The following HOXB6 variants were observed in gnomAD, a reference collection of about 807,000 sequenced individuals.
HOXB6 encodes homeobox protein Hox-B6.
HOXB6 carries 18 observed loss-of-function variants against 24.2 expected under a neutral mutation model. That is an observed-to-expected ratio of 0.74 (90% CI 0.51 to 1.10). HOXB6 has a LOEUF of 1.10. HOXB6 is among the 50% of genes least tolerant of loss of function. HOXB6 has a pLI of 0.00. For synonymous variants in HOXB6, 159 were observed against 139.1 expected (o/e 1.14, Z -1.01); for missense variants, 332 against 308.3 (o/e 1.08, Z -0.58).
intron 2 of HOXB6, chr17:48,600,330 T>A (rs1365414101): frequency 5.0e-6 from 2 of 396,118 alleles, no homozygotes; most frequent in Non-Finnish European, 1.0e-5. Flanking sequence ...GTTTTCTCAG[T>A]GAAGTCTGAA....
At position 48,601,604 on chromosome 17, in the gene HOXB6, C is replaced by T. The variant is rs573226039; in HGVS notation, c.-79+2876G>A. ...TCCTTGAGTCGGGCCTTATAGCCAC[C>T]AGAAAGTCACCTCGCCGCAGGAAAG... On this transcript the variant is annotated intron_variant, in intron 2 of 3. Coordinates refer to ENST00000225648, the MANE Select transcript of HOXB6 (RefSeq NM_018952.5). 104 of 155,400 alleles carry T rather than the reference C, an allele frequency of 6.7e-4. 2 individuals are homozygous for T. The South Asian group carries it at 0.02, about 30-fold the overall frequency. 9.6% of individuals were successfully genotyped at this position (155,400 alleles called of 1,614,324 possible).
intron 2 of HOXB6, among the ~76,000 whole-genome samples, chr17:48,599,499 G>A (rs2070405021): frequency 6.6e-6 from 1 of 152,078 alleles, no homozygotes; most frequent in African/African-American, 2.4e-5. Flanking sequence ...GTTCTCTTGG[G>A]GACTCAGCAG....
intron 2 of HOXB6, chr17:48,604,138 C>T (rs1310529036): frequency 2.0e-5 from 3 of 152,892 alleles, no homozygotes; most frequent in African/African-American, 7.2e-5. Flanking sequence ...GCCAGAACCA[C>T]TGGCTTCTTT....
At chr17:48,597,642 G>T in intron 3 of HOXB6, 94 bp downstream of exon 3, 2 of 1,349,108 alleles carry the variant, frequency 1.5e-6, no homozygotes, top group Non-Finnish European at 2.1e-6. Context: ...CCAGCACCCT[G>T]TGGGAGATTG....
At chr17:48,601,033 G>A (rs2070450559) in intron 2 of HOXB6, among the ~76,000 whole-genome samples, 1 of 151,646 alleles carries the variant, frequency 6.6e-6, no homozygotes, top group Non-Finnish European at 1.5e-5. Flanking sequence ...GTGGTGTGGT[G>A]TGTGTGGGAG....
At chr17:48,601,249 G>A (rs2070455633) in intron 2 of HOXB6, among the ~76,000 whole-genome samples, 1 of 152,140 alleles carries the variant, frequency 6.6e-6, no homozygotes, top group African/African-American at 2.4e-5. Context: ...GGGGTACTGA[G>A]TGATCACTCC....
chr17:48,596,853 T>C lies in HOXB6; in HGVS notation c.416-181A>G. The C allele has an allele frequency of 1.6e-6, 2 of 1,259,550 alleles. No homozygotes were observed. The highest frequency in any genetic ancestry group is 1.4e-5 in the South Asian group (1 of 69,358). The allele number at this position is 1,259,550 out of a possible 1,614,324, so 78.0% of individuals were successfully genotyped here. A position where few individuals can be genotyped will look rare whatever the true frequency, so the allele number is the denominator to read the frequency against. On this transcript the variant is annotated intron_variant, in intron 3 of 3. Transcript: ENST00000225648. This position sits in a 1 kb window ranked among gnomAD's most constrained non-coding sequence, Gnocchi z 4.8. ...AGATTCCCTCCTAGTCTCCTAGGCC[T>C]GTGCCGTCTGTCTAGACTCTAGATG... is the stretch of plus-strand genomic sequence containing the variant.
Position 48,596,773 on chromosome 17 carries a change from C to T in HOXB6, c.416-101G>A. 1 of 1,537,804 alleles carries T rather than the reference C, an allele frequency of 6.5e-7. No individual in the cohort carries two copies. The highest frequency in any genetic ancestry group is 8.8e-7 in the Non-Finnish European group (1 of 1,132,598). On this transcript the variant is annotated intron_variant, in intron 3 of 3. Coordinates refer to ENST00000225648, the MANE Select transcript of HOXB6 (RefSeq NM_018952.5). This position sits in a 1 kb window ranked among gnomAD's most constrained non-coding sequence, Gnocchi z 4.8. ...ACAGACTCCAGCCAGTACCGGGATG[C>T]CCTCTATTCTGCCGGCTCCCTTCCC...
chr17:48,596,645 C>G lies in HOXB6; in HGVS notation c.443G>C (p.Arg148Pro), dbSNP rs763639089. Residue 148 changes from arginine (R) to proline (P), a missense_variant, in exon 4 of 4, where the codon CGA becomes CCA. Transcript: ENST00000225648. This position sits in a 1 kb window ranked among gnomAD's most constrained non-coding sequence, Gnocchi z 4.8. ...NSSSFGPSGRRGRQTYTRYQT... is the reference protein window; with the variant it reads ...NSSSFGPSGRPGRQTYTRYQT... ...GTAACGTGTGTATGTCTGGCGGCCT[C>G]GCCGGCCGCTGGGCCCAAAGGAGGA... 4.3e-6 allele frequency: 7 copies of G among 1,613,684 alleles called. No homozygotes were observed. Among genetic ancestry groups the G allele is most frequent in the South Asian group, 1.1e-5 (1 of 91,076 alleles).
rs1450936319 is a variant in HOXB6, at chr17:48,597,899, T to C, written c.252A>G (p.Lys84=). 7 of 1,583,900 alleles carry C rather than the reference T, an allele frequency of 4.4e-6. No individual in the cohort carries two copies. Among genetic ancestry groups the C allele is most frequent in the Non-Finnish European group, 5.2e-6 (6 of 1,164,646 alleles). Residue 84 remains lysine (K), a synonymous_variant, in exon 3 of 4, where the codon AAA becomes AAG. Coordinates refer to ENST00000225648, the MANE Select transcript of HOXB6 (RefSeq NM_018952.5). ...YGPAPAFYRE[K]ESACALSGAD... ...CGCCGGAGAGTGCGCAGGCCGACTC[T>C]TTCTCGCGGTAGAAGGCCGGCGCCG...
chr17:48,603,657 C>A (rs1467363933), intron 2 of HOXB6: 1 of 152,222 alleles, frequency 6.6e-6, no homozygotes, highest in Non-Finnish European at 1.5e-5. Context: ...ACATCCCATA[C>A]CAATACAACG....
At chr17:48,602,288 C>G (rs1358641892) in intron 2 of HOXB6, 1 of 453,896 alleles carries the variant, frequency 2.2e-6, no homozygotes, top group African/African-American at 2.0e-5. Flanking sequence ...CCCTGCGGGT[C>G]CCCTCCCTTG....
intron 2 of HOXB6, among the ~76,000 whole-genome samples, chr17:48,598,826 C>T (rs1040971367): frequency 2.0e-5 from 3 of 152,196 alleles, no homozygotes; most frequent in Non-Finnish European, 4.4e-5. Flanking sequence ...TCCTGTTTAT[C>T]AGATCTGCTC....
At chr17:48,598,808 A>G (rs1391329734) in intron 2 of HOXB6, among the ~76,000 whole-genome samples, 1 of 152,178 alleles carries the variant, frequency 6.6e-6, no homozygotes, top group African/African-American at 2.4e-5. Context: ...GGTTTTGAAC[A>G]TCGTTTTTCC....
chr17:48,597,018 A>G lies in HOXB6; in HGVS notation c.416-346T>C, dbSNP rs190376790. On this transcript the variant is annotated intron_variant, in intron 3 of 3. Transcript: ENST00000225648. The stretch of plus-strand genomic sequence containing the variant: ...CACCCCCCGTCATCCCCCCAACCCA[A>G]TGATAAATCCAGGCCGTTAATCCGT... 2.2e-4 allele frequency: 245 copies of G among 1,123,442 alleles called. No homozygotes were observed. In the East Asian group the frequency reaches 9.0e-3, roughly 41 times the overall value. The allele number at this position is 1,123,442 out of a possible 1,614,324, so 69.6% of individuals were successfully genotyped here.
intron 2 of HOXB6, chr17:48,602,646 A>G (rs768690741): frequency 4.0e-4 from 69 of 172,198 alleles, no homozygotes; most frequent in Non-Finnish European, 7.5e-4. Flanking sequence ...TGTGGGCCCG[A>G]AATCCCCCGA....
rs746703653 is a variant in HOXB6, at chr17:48,597,920, C to T, written c.231G>A (p.Ala77=). ...ACTCTTTCTCGCGGTAGAAGGCCGG[C>T]GCCGGCCCGTAGTCGCAGGGCGCCG... The part of the protein sequence containing the change: ...GRAAPCDYGP[A]PAFYREKESA... Residue 77 remains alanine, a synonymous_variant, in exon 3 of 4, where the codon GCG becomes GCA. Coordinates refer to ENST00000225648, the MANE Select transcript of HOXB6 (RefSeq NM_018952.5). 2 of 1,574,546 alleles carry T rather than the reference C, an allele frequency of 1.3e-6. No individual in the cohort carries two copies. Among genetic ancestry groups the T allele is most frequent in the East Asian group, 2.4e-5 (1 of 42,260 alleles).
In HOXB6 at chr17:48,595,803, T is replaced by TCA. The variant is rs759413927; in HGVS notation, c.*609_*610insTG. ...GTTGTTGTTGTTATTATTATTATTA[T>TCA]TATCATCATCATCATCATCATCATC... On this transcript the variant is annotated 3_prime_UTR_variant, in exon 4 of 4. Transcript: ENST00000225648. 5.7e-4 allele frequency: 118 copies of TCA among 206,192 alleles called. No individual in the cohort carries two copies. The highest frequency in any genetic ancestry group is 2.0e-3 in the Middle Eastern group (1 of 500). 12.8% of individuals were successfully genotyped at this position (206,192 alleles called of 1,614,324 possible).
At chr17:48,602,205 AC>A (rs1177727038) in intron 2 of HOXB6, 1 of 456,170 alleles carries the variant, frequency 2.2e-6, no homozygotes, top group South Asian at 1.5e-5. Flanking sequence ...GGCAAAACCC[AC>A]TAACCAACCA....
Sources: gnomAD v4.1 joint callset for allele counts (sites outside exome capture counted in the v4.1 genomes callset) on GRCh38, gnomAD v4.1.1 for gene constraint, Gnocchi (gnomAD v3.1) non-coding constraint, MANE v1.5 for transcripts, NCBI Gene and HGNC (gene_info 2026-07-23, HGNC 2026-07-21) for gene names.